Variants in ARMC2 observed in about 807,000 individuals in gnomAD.
ARMC2 encodes armadillo repeat-containing protein 2.
ARMC2 carries 67 observed loss-of-function variants against 90.3 expected under a neutral mutation model. The ratio of observed to expected loss-of-function variants is 0.74; its 90% CI spans 0.61 to 0.91. The LOEUF is 0.91. Ranked by LOEUF, ARMC2 falls within the 40% of genes least tolerant of loss-of-function variation. The pLI, the probability that ARMC2 is intolerant of heterozygous loss-of-function variation, is 0.00. For synonymous variants in ARMC2, 393 were observed against 393.0 expected, an observed-to-expected ratio of 1.00 and a Z score of 0.00; for missense variants, 920 against 1,030.9, an observed-to-expected ratio of 0.89 and a Z score of 1.47.
intron 3 of ARMC2, among the ~76,000 whole-genome samples, chr6:108,866,684 C>T (rs1011660383): frequency 1.3e-5 from 2 of 152,180 alleles, no homozygotes; most frequent in African/African-American, 4.8e-5. Flanking sequence ...GTTCACATAA[C>T]TAGTGAGTGG....
chr6:109,021,075 C>T, the ARMC2 span, among the ~76,000 whole-genome samples: 1 of 152,148 alleles, frequency 6.6e-6, no homozygotes, highest in Non-Finnish European at 1.5e-5. Context: ...CTCACAGCAG[C>T]CTCGAACTCT....
At chr6:108,949,043 C>T (rs1776995001) in intron 12 of ARMC2, among the ~76,000 whole-genome samples, 2 of 152,180 alleles carry the variant, frequency 1.3e-5, no homozygotes, top group African/African-American at 4.8e-5. Flanking sequence ...AACAATCCAG[C>T]ACCCTTAGAA....
intron 1 of ARMC2, among the ~76,000 whole-genome samples, chr6:108,853,778 G>T (rs1483584926): frequency 6.6e-6 from 1 of 152,112 alleles, no homozygotes; most frequent in Non-Finnish European, 1.5e-5. Flanking sequence ...ATTCTCTGAG[G>T]TTTGTTGCAA....
intron 12 of ARMC2, among the ~76,000 whole-genome samples, chr6:108,938,599 C>CTTTTTTTT (rs4027582): frequency 5.3e-4 from 44 of 83,116 alleles, no homozygotes; most frequent in Non-Finnish European, 8.0e-4. Context: ...CCATTACTAC[C>CTTTTTTTT]TTTTTTTTTT....
chr6:108,910,803 C>G, intron 8 of ARMC2, 96 bp from the exon 9 acceptor site: 1 of 582,566 alleles, frequency 1.7e-6, no homozygotes, highest in Non-Finnish European at 2.8e-6. Flanking sequence ...TTTAAAAATA[C>G]TGTTGCTGTA....
At chr6:108,946,270 G>T (rs1010440378) in intron 12 of ARMC2, among the ~76,000 whole-genome samples, 1 of 152,318 alleles carries the variant, frequency 6.6e-6, no homozygotes, top group East Asian at 1.9e-4. Context: ...GAGGCATATC[G>T]TGGGTGCTCA....
the ARMC2 span, among the ~76,000 whole-genome samples, chr6:108,996,772 C>G: frequency 6.6e-6 from 1 of 152,086 alleles, no homozygotes; most frequent in African/African-American, 2.4e-5. Context: ...AATACACCAA[C>G]ACTTAGAAGC....
At chr6:108,912,628 A>T in intron 10 of ARMC2, 70 bp downstream of exon 10, 1 of 1,414,102 alleles carries the variant, frequency 7.1e-7, no homozygotes, top group Non-Finnish European at 9.8e-7. Context: ...CAGTTTTAAA[A>T]GAATGGCATG....
intron 5 of ARMC2, among the ~76,000 whole-genome samples, chr6:108,886,330 G>A (rs749628970): frequency 2.1e-4 from 32 of 152,144 alleles, no homozygotes; most frequent in Non-Finnish European, 4.0e-4. Context: ...GGCCAAGGTG[G>A]GCGAATCACC....
chr6:108,995,388 G>C, the ARMC2 span, among the ~76,000 whole-genome samples: 1 of 152,154 alleles, frequency 6.6e-6, no homozygotes, highest in African/African-American at 2.4e-5. Context: ...AATTAAACAT[G>C]AAAGATGTCT....
At chr6:109,041,309 A>C in the ARMC2 span, among the ~76,000 whole-genome samples, 1 of 152,044 alleles carries the variant, frequency 6.6e-6, no homozygotes, top group Non-Finnish European at 1.5e-5. Context: ...CTCAAAAACT[A>C]AATAAATAAT....
At chr6:109,019,136 CTAGTAATAT>C in the ARMC2 span, among the ~76,000 whole-genome samples, 2 of 152,092 alleles carry the variant, frequency 1.3e-5, no homozygotes, top group Admixed American at 1.3e-4. Flanking sequence ...CATCAGAATT[CTAGTAATAT>C]TGTTTTATTA....
the ARMC2 span, among the ~76,000 whole-genome samples, chr6:109,006,293 G>T: frequency 6.6e-6 from 1 of 152,128 alleles, no homozygotes; most frequent in South Asian, 2.1e-4. Flanking sequence ...AAAGCCCTGA[G>T]ATTTTTTTAA....
chr6:108,992,865 A>G, the ARMC2 span: 45 of 1,613,418 alleles, frequency 2.8e-5, no homozygotes, highest in Non-Finnish European at 3.5e-5. Flanking sequence ...CAAAATGACG[A>G]GATACAGCTC....
Position 108,904,293 on chromosome 6 carries a change from A to G in ARMC2, c.911A>G (p.Asn304Ser). ...TQLHHALEEG[N>S]MLGNKFKGRS... ...CTTCATCATGCTTTAGAGGAAGGAA[A>G]CATGCTTGGAAATAAATTTAAGGGA... is the stretch of plus-strand genomic sequence containing the variant. Residue 304 changes from asparagine (N) to serine (S), a missense_variant, in exon 8 of 18, where the codon AAC (asparagine) becomes AGC (serine). Transcript: ENST00000392644. The G allele has an allele frequency of 1.2e-6, 2 of 1,613,928 alleles. No homozygotes were observed. The highest frequency in any genetic ancestry group is 2.2e-5 in the South Asian group (2 of 91,080).
intron 13 of ARMC2, among the ~76,000 whole-genome samples, chr6:108,958,279 GT>G (rs1383953985): frequency 6.6e-6 from 1 of 152,120 alleles, no homozygotes; most frequent in East Asian, 1.9e-4. Context: ...AAGCCACCCA[GT>G]TTATGGTATT....
chr6:108,956,404 A>G (rs1777586083), intron 13 of ARMC2, among the ~76,000 whole-genome samples: 1 of 152,164 alleles, frequency 6.6e-6, no homozygotes, highest in African/African-American at 2.4e-5. Context: ...GGGTAGGAGA[A>G]AGAGGCAAGA....
intron 12 of ARMC2, among the ~76,000 whole-genome samples, chr6:108,941,294 C>T (rs1168084928): frequency 1.3e-5 from 2 of 152,134 alleles, no homozygotes; most frequent in Non-Finnish European, 2.9e-5. Flanking sequence ...CAATTTCTCC[C>T]TCATCAGTGC....
chr6:108,939,404 C>T (rs905691286), intron 12 of ARMC2, among the ~76,000 whole-genome samples: 4 of 152,128 alleles, frequency 2.6e-5, no homozygotes, highest in African/African-American at 9.7e-5. Flanking sequence ...CACCATCCCC[C>T]TGGTGCTGTT....
Sources: allele counts gnomAD v4.1 joint callset (sites outside exome capture counted in the v4.1 genomes callset), GRCh38; gene constraint gnomAD v4.1.1; transcripts MANE v1.5; gene names NCBI Gene and HGNC (gene_info 2026-07-23, HGNC 2026-07-21).